The following GRIK2 variants were observed in gnomAD, a reference collection of about 807,000 sequenced individuals.
GRIK2 encodes the protein glutamate receptor ionotropic, kainate 2.
Under a neutral mutation model 100.3 loss-of-function variants are expected in GRIK2, and 32 were observed. That is an observed-to-expected ratio of 0.32 (90% CI 0.24 to 0.43). The LOEUF (loss-of-function observed/expected upper bound fraction) is 0.43. GRIK2 is among the 20% of genes least tolerant of loss of function. GRIK2 has a pLI of 1.00. For missense variants in GRIK2, 843 were observed against 1,114.9 expected (o/e 0.76, Z 3.47); for synonymous variants, 417 against 389.4 (o/e 1.07, Z -0.83).
chr6:101,867,983 T>C (rs1004548288), intron 11 of GRIK2, among the ~76,000 whole-genome samples: 1 of 151,648 alleles, frequency 6.6e-6, no homozygotes, highest in Non-Finnish European at 1.5e-5. Flanking sequence ...CTTCTGAACT[T>C]AAGCTACTTA....
At chr6:101,915,769 T>A (rs1171413776) in intron 12 of GRIK2, among the ~76,000 whole-genome samples, 2 of 151,510 alleles carry the variant, frequency 1.3e-5, no homozygotes, top group African/African-American at 4.8e-5. Context: ...ACACATACAA[T>A]GTTTTAAGCT....
chr6:101,463,641 C>T (rs1223530246), intron 2 of GRIK2, among the ~76,000 whole-genome samples: 1 of 152,058 alleles, frequency 6.6e-6, no homozygotes, highest in Non-Finnish European at 1.5e-5. Flanking sequence ...CAGTAAACCA[C>T]TTTATGTACA....
chr6:101,836,913 C>G (rs1415367605), intron 10 of GRIK2, among the ~76,000 whole-genome samples: 2 of 151,898 alleles, frequency 1.3e-5, no homozygotes, highest in African/African-American at 2.4e-5. Flanking sequence ...ATCTGCCCTC[C>G]TCGGCCTCCC....
intron 2 of GRIK2, among the ~76,000 whole-genome samples, chr6:101,457,572 T>C (rs991055838): frequency 2.6e-5 from 4 of 152,176 alleles, no homozygotes; most frequent in Non-Finnish European, 5.9e-5. Flanking sequence ...TTTTGACTTT[T>C]TCACTTCTAA....
At chr6:101,816,522 A>G (rs1017564082) in intron 9 of GRIK2, among the ~76,000 whole-genome samples, 5 of 151,938 alleles carry the variant, frequency 3.3e-5, no homozygotes, top group African/African-American at 4.8e-5. Flanking sequence ...TACAAATACA[A>G]AATACTAAAA....
At chr6:101,659,118 G>A (rs1387732845) in intron 4 of GRIK2, among the ~76,000 whole-genome samples, 3 of 152,084 alleles carry the variant, frequency 2.0e-5, no homozygotes, top group African/African-American at 7.2e-5. Flanking sequence ...TATTGCCTAG[G>A]TTTTCTTCTA....
At chr6:101,686,415 C>T in intron 7 of GRIK2, 62 bp downstream of exon 7, 1 of 1,283,742 alleles carries the variant, frequency 7.8e-7, no homozygotes, top group Non-Finnish European at 1.1e-6. Context: ...TACATATGAA[C>T]TTCTGGGTTT....
At chr6:101,875,538 C>T (rs942995439) in intron 11 of GRIK2, among the ~76,000 whole-genome samples, 2 of 151,822 alleles carry the variant, frequency 1.3e-5, no homozygotes, top group East Asian at 1.9e-4. Flanking sequence ...CTTTTCCTAA[C>T]TTAAGAAAGT....
chr6:101,437,614 A>G (rs574185970), intron 2 of GRIK2, among the ~76,000 whole-genome samples: 3 of 152,252 alleles, frequency 2.0e-5, no homozygotes, highest in Admixed American at 1.3e-4. Context: ...CATTCTTAAT[A>G]CCTTAGGGAG....
At chr6:101,688,941 C>T (rs954601577) in intron 7 of GRIK2, among the ~76,000 whole-genome samples, 2 of 151,780 alleles carry the variant, frequency 1.3e-5, no homozygotes, top group Non-Finnish European at 2.9e-5. Context: ...AAAATATTTT[C>T]ATTATGTAAC....
chr6:101,680,530 C>T (rs1363806314), intron 5 of GRIK2, among the ~76,000 whole-genome samples: 1 of 152,082 alleles, frequency 6.6e-6, no homozygotes, highest in East Asian at 1.9e-4. Context: ...GTAGGACTGA[C>T]TTCTAGGGTT....
At chr6:101,408,843 A>G (rs1775729965) in intron 2 of GRIK2, among the ~76,000 whole-genome samples, 1 of 152,098 alleles carries the variant, frequency 6.6e-6, no homozygotes, top group Admixed American at 6.6e-5. Flanking sequence ...CCCACGGCCT[A>G]ATCAAGTTGA....
intron 7 of GRIK2, among the ~76,000 whole-genome samples, chr6:101,720,744 TTTAG>T (rs1298115074): frequency 1.3e-5 from 2 of 151,988 alleles, no homozygotes; most frequent in Admixed American, 1.3e-4. Flanking sequence ...AAAAAAAAGT[TTTAG>T]TTAAACTCAC....
chr6:101,752,078 CTTTA>C (rs1181590845), intron 7 of GRIK2, among the ~76,000 whole-genome samples: 9 of 152,036 alleles, frequency 5.9e-5, no homozygotes, highest in Non-Finnish European at 1.5e-5. Context: ...GCTTATTTTC[CTTTA>C]TTTACCACTT....
intron 2 of GRIK2, among the ~76,000 whole-genome samples, chr6:101,497,311 A>G (rs1156588852): frequency 6.6e-6 from 1 of 152,192 alleles, no homozygotes; most frequent in African/African-American, 2.4e-5. Flanking sequence ...AATGTCAGGG[A>G]TAATGTCTAA....
At chr6:101,991,344 A>G (rs1380818150) in intron 14 of GRIK2, among the ~76,000 whole-genome samples, 1 of 150,934 alleles carries the variant, frequency 6.6e-6, no homozygotes, top group East Asian at 1.9e-4. Context: ...AAGTAATAGT[A>G]TGAAGTTGGA....
At chr6:101,865,279 C>A (rs1784979996) in intron 11 of GRIK2, among the ~76,000 whole-genome samples, 2 of 152,190 alleles carry the variant, frequency 1.3e-5, no homozygotes. Flanking sequence ...TGCTTCCCAG[C>A]TTGCTGCCTT....
At chr6:101,620,949 C>G (rs868252321) in intron 2 of GRIK2, among the ~76,000 whole-genome samples, 9 of 152,168 alleles carry the variant, frequency 5.9e-5, no homozygotes, top group Middle Eastern at 3.4e-3. Flanking sequence ...TGGAAGGTCA[C>G]AAATTGAAGG....
intron 2 of GRIK2, among the ~76,000 whole-genome samples, chr6:101,568,620 A>G (rs967738408): frequency 6.6e-6 from 1 of 152,102 alleles, no homozygotes; most frequent in African/African-American, 2.4e-5. Context: ...GATGTAAATG[A>G]TGCTACTAAG....
Sources: allele counts gnomAD v4.1 joint callset (sites outside exome capture counted in the v4.1 genomes callset), GRCh38; gene constraint gnomAD v4.1.1; transcripts MANE v1.5; gene names NCBI Gene and HGNC (gene_info 2026-07-23, HGNC 2026-07-21).